PTK7: variants seen among roughly 807,000 people sequenced by gnomAD.
PTK7 encodes protein tyrosine kinase 7 (inactive), also known as inactive tyrosine-protein kinase 7.
In PTK7, 39 loss-of-function variants were observed where a neutral mutation model predicts 116.6. The observed-to-expected ratio is 0.33, with a 90% confidence interval of 0.26 to 0.44. The LOEUF is 0.44. PTK7 is among the 20% of genes least tolerant of loss of function. The pLI is 1.00. For missense variants in PTK7, 1,169 were observed against 1,425.6 expected (o/e 0.82, Z 2.90); for synonymous variants, 546 against 563.6 (o/e 0.97, Z 0.44).
intron 17 of PTK7, among the ~76,000 whole-genome samples, chr6:43,156,002 G>A (rs1187687425): frequency 1.3e-5 from 2 of 151,906 alleles, no homozygotes; most frequent in Non-Finnish European, 2.9e-5. Context: ...GCTGAGGCAG[G>A]CTGATCACTT....
At chr6:43,142,372 T>G in intron 13 of PTK7, 73 bp downstream of exon 13, 1 of 1,607,032 alleles carries the variant, frequency 6.2e-7, no homozygotes, top group Non-Finnish European at 8.5e-7. Flanking sequence ...ACTCAGCCCC[T>G]GTGTACAGAA....
At chr6:43,090,134 C>G (rs1766866721) in intron 1 of PTK7, among the ~76,000 whole-genome samples, 1 of 152,254 alleles carries the variant, frequency 6.6e-6, no homozygotes, top group African/African-American at 2.4e-5. Context: ...TTTCCAGGCA[C>G]TGCACAGCTG....
chr6:43,079,242 C>T (rs1459834842), intron 1 of PTK7, among the ~76,000 whole-genome samples: 1 of 151,704 alleles, frequency 6.6e-6, no homozygotes, highest in African/African-American at 2.4e-5. Context: ...CCGAGGCGGG[C>T]GGATCATGAG....
At chr6:43,155,479 A>G (rs1014910946) in intron 17 of PTK7, among the ~76,000 whole-genome samples, 12 of 152,030 alleles carry the variant, frequency 7.9e-5, no homozygotes, top group Non-Finnish European at 1.5e-5. Flanking sequence ...CGTTTCTACT[A>G]GAAAAAATAC....
chr6:43,132,177 G>A lies in PTK7; in HGVS notation c.961+13G>A, dbSNP rs750854100. ...CTTCACCTAGCAGGTGAGTCTCTGG[G>A]TCTGGGGTGCTGATGTGGGAGGCTG... On this transcript the variant is annotated intron_variant, in intron 6 of 19. Coordinates refer to ENST00000230419, the MANE Select transcript of PTK7 (RefSeq NM_002821.5). The A allele has an allele frequency of 5.6e-6, 9 of 1,598,690 alleles. 1 individual carries two copies. The Admixed American group carries it at 8.6e-5, about 15-fold the overall frequency.
At chr6:43,157,357 TATA>T (rs1257994918) in intron 17 of PTK7, among the ~76,000 whole-genome samples, 241 of 7,382 alleles carry the variant, frequency 0.033, 25 homozygotes, top group Middle Eastern at 0.056. Flanking sequence ...TATATATATA[TATA>T]TATATTTTTT....
At chr6:43,138,811 G>A (rs1313592148) in intron 7 of PTK7, 38 bp from the exon 8 acceptor site, 2 of 1,570,014 alleles carry the variant, frequency 1.3e-6, no homozygotes, top group Non-Finnish European at 1.7e-6. Context: ...TTGGAGACCT[G>A]TGAAGCAGCC....
At chr6:43,093,229 G>T (rs1202213063) in intron 1 of PTK7, among the ~76,000 whole-genome samples, 15 of 95,946 alleles carry the variant, frequency 1.6e-4, no homozygotes, top group African/African-American at 6.4e-4. Context: ...CACTCTTGTT[G>T]CCCAGGCTGG....
chr6:43,078,653 G>A (rs764571914), intron 1 of PTK7, among the ~76,000 whole-genome samples: 28 of 152,220 alleles, frequency 1.8e-4, no homozygotes, highest in Admixed American at 5.9e-4. Context: ...GGCTGGCTAG[G>A]TTTGTGGATT....
Position 43,143,374 on chromosome 6 carries a change from T to C in PTK7, c.2048-43T>C, listed in dbSNP as rs1352903607. ...AGTTAGTAGAGAAGCAGGGCTTCTT[T>C]TGCTTAGCAGCCCCTGCCCAGACCC... On this transcript the variant is annotated intron_variant, in intron 13 of 19. Coordinates refer to ENST00000230419, the MANE Select transcript of PTK7 (RefSeq NM_002821.5). This position sits in a 1 kb window ranked among gnomAD's most constrained non-coding sequence, Gnocchi z 4.2. The C allele has an allele frequency of 6.3e-7, 1 of 1,581,172 alleles. No individual in the cohort carries two copies.
intron 1 of PTK7, among the ~76,000 whole-genome samples, chr6:43,096,320 C>T (rs1021260022): frequency 2.6e-5 from 4 of 152,178 alleles, no homozygotes; most frequent in East Asian, 3.9e-4. Context: ...ACTTCGAAAA[C>T]GGTGTAAATT....
chr6:43,118,645 CTCTCTCTCTCTCTCTATATA>C lies in PTK7; in HGVS notation c.80-10330_80-10311del, dbSNP rs1490655823. ...CCTCTCTCTCTCTCTCTCTCTCTCTCTCTCTCTCTCTCTCTATATATATATATATATATATATATATATGT... is the reference window on the plus strand; with the variant it reads ...CCTCTCTCTCTCTCTCTCTCTCTCTCTATATATATATATATATATATATGT... On this transcript the variant is annotated intron_variant, in intron 1 of 19. Transcript: ENST00000230419. Among the ~76,000 whole-genome samples, 92 of 85,882 alleles carry C rather than the reference CTCTCTCTCTCTCTCTATATA, an allele frequency of 1.1e-3. 3 individuals are homozygous for C. The highest frequency in any genetic ancestry group is 4.6e-3 in the African/African-American group (79 of 17,054). The allele number at this position is 85,882 out of a possible 152,430, so 56.3% of individuals were successfully genotyped here.
intron 17 of PTK7, among the ~76,000 whole-genome samples, chr6:43,152,792 ATG>A (rs1491530196): frequency 1.4e-5 from 2 of 139,800 alleles, no homozygotes; most frequent in African/African-American, 5.4e-5. Flanking sequence ...ATGTTATGTT[ATG>A]TATTCTTTAG....
At chr6:43,087,913 G>A (rs1192051136) in intron 1 of PTK7, among the ~76,000 whole-genome samples, 1 of 152,122 alleles carries the variant, frequency 6.6e-6, no homozygotes. Context: ...GGGTGCAAAG[G>A]GTGCTGTAAA....
At chr6:43,149,360 C>T (rs1770937157) in intron 17 of PTK7, among the ~76,000 whole-genome samples, 1 of 151,772 alleles carries the variant, frequency 6.6e-6, no homozygotes, top group South Asian at 2.1e-4. Context: ...CAACAGGAGT[C>T]AAACCCTGTC....
chr6:43,135,100 G>A (rs1227533620), intron 7 of PTK7, among the ~76,000 whole-genome samples: 1 of 152,174 alleles, frequency 6.6e-6, no homozygotes, highest in African/African-American at 2.4e-5. Flanking sequence ...CTTCATGTGT[G>A]TTCAAGTTGG....
At chr6:43,127,192 G>A (rs979531333) in intron 1 of PTK7, among the ~76,000 whole-genome samples, 3 of 152,230 alleles carry the variant, frequency 2.0e-5, no homozygotes, top group African/African-American at 7.2e-5. Context: ...TTCTGCCCTT[G>A]CCCAGCCAGT....
At position 43,141,985 on chromosome 6, in the gene PTK7, C is replaced by G. The variant is rs377247602; in HGVS notation, c.1823C>G (p.Thr608Arg). ...PERTTVYQGH[T>R]ALLQCEAQGD... ...CGTACGACTGTGTACCAGGGCCACA[C>G]AGCCCTACTGCAGTGCGAGGCCCAG... Residue 608 changes from threonine to arginine, a missense_variant, in exon 12 of 20, where the codon ACA becomes AGA. Transcript: ENST00000230419. The surrounding 1 kb of genome is among the most constrained non-coding windows in gnomAD (Gnocchi z 4.9). 26 of 1,613,694 alleles carry G rather than the reference C, an allele frequency of 1.6e-5. No individual in the cohort carries two copies. The African/African-American group carries it at 3.1e-4, about 19-fold the overall frequency.
chr6:43,130,442 A>G, intron 4 of PTK7, 22 bp downstream of exon 4: 1 of 1,604,038 alleles, frequency 6.2e-7, no homozygotes, highest in African/African-American at 1.3e-5. Context: ...GTGGGGGCGG[A>G]AGGGATGAGG....
Sources: gnomAD v4.1 joint callset for allele counts (sites outside exome capture counted in the v4.1 genomes callset) on GRCh38, gnomAD v4.1.1 for gene constraint, Gnocchi (gnomAD v3.1) non-coding constraint, MANE v1.5 for transcripts, NCBI Gene and HGNC (gene_info 2026-07-23, HGNC 2026-07-21) for gene names.